NRG1: variants seen among roughly 807,000 people sequenced by gnomAD.
The protein encoded by NRG1 is neuregulin 1.
Under a neutral mutation model 63.8 loss-of-function variants are expected in NRG1, and 18 were observed. That is an observed-to-expected ratio of 0.28 (90% CI 0.19 to 0.42). NRG1 has a LOEUF of 0.42. Among genes scored for constraint, NRG1 ranks in the 10% least tolerant of loss-of-function variants. The pLI is 1.00. For missense variants in NRG1, 762 were observed against 814.7 expected, an observed-to-expected ratio of 0.94 and a Z score of 0.79; for synonymous variants, 302 against 301.3, an observed-to-expected ratio of 1.00 and a Z score of -0.02.
At chr8:32,650,965 G>GATAAA (rs1225669547) in intron 5 of NRG1, among the ~76,000 whole-genome samples, 2 of 152,090 alleles carry the variant, frequency 1.3e-5, no homozygotes, top group East Asian at 3.9e-4. Context: ...TCTTTATCCT[G>GATAAA]GAGCCTGAGA....
intron 1 of NRG1, among the ~76,000 whole-genome samples, chr8:32,228,725 A>G (rs1846592986): frequency 1.3e-5 from 2 of 152,078 alleles, no homozygotes; most frequent in African/African-American, 4.8e-5. Context: ...AGTAAATTTA[A>G]TTAGATCCAT....
intron 1 of NRG1, among the ~76,000 whole-genome samples, chr8:32,370,575 G>A (rs1005274989): frequency 3.3e-5 from 5 of 151,836 alleles, no homozygotes; most frequent in South Asian, 2.1e-4. Context: ...GCTGTCTTAC[G>A]AGCCAGGCGC....
chr8:32,602,302 G>A (rs565524669), intron 2 of NRG1, among the ~76,000 whole-genome samples: 33 of 152,056 alleles, frequency 2.2e-4, no homozygotes, highest in Non-Finnish European at 4.0e-4. Flanking sequence ...GCATTACTAG[G>A]AATAGTATTC....
chr8:32,063,359 T>A (rs1367276813), intron 1 of NRG1: 2 of 152,140 alleles, frequency 1.3e-5, no homozygotes, highest in African/African-American at 4.8e-5. Context: ...CTTTCAGTGA[T>A]CAAATTATTT....
At chr8:32,280,686 T>G (rs1207725555) in intron 1 of NRG1, among the ~76,000 whole-genome samples, 1 of 105,392 alleles carries the variant, frequency 9.5e-6, no homozygotes, top group African/African-American at 4.3e-5. Context: ...TTAGGTTTTT[T>G]TTTTGTTTTT....
intron 1 of NRG1, among the ~76,000 whole-genome samples, chr8:31,949,403 C>A (rs1211086190): frequency 6.6e-6 from 1 of 152,144 alleles, no homozygotes; most frequent in Admixed American, 6.5e-5. Context: ...GTTTCTCAAC[C>A]CATTCAGTTA....
chr8:31,925,738 T>C (rs1834309535), intron 1 of NRG1, among the ~76,000 whole-genome samples: 1 of 151,954 alleles, frequency 6.6e-6, no homozygotes, highest in African/African-American at 2.4e-5. Context: ...AATTCTGCTA[T>C]GAAGCCCGTC....
chr8:32,016,566 G>A (rs1384153219), intron 1 of NRG1, among the ~76,000 whole-genome samples: 1 of 152,162 alleles, frequency 6.6e-6, no homozygotes, highest in East Asian at 1.9e-4. Flanking sequence ...AACATAGCAG[G>A]CATATGTTAC....
chr8:32,429,888 A>C (rs925248529), intron 1 of NRG1, among the ~76,000 whole-genome samples: 1 of 152,196 alleles, frequency 6.6e-6, no homozygotes, highest in Non-Finnish European at 1.5e-5. Context: ...TAAATTAATT[A>C]AAATAATTTA....
intron 1 of NRG1, among the ~76,000 whole-genome samples, chr8:32,467,424 T>C (rs1823209625): frequency 1.3e-5 from 2 of 152,184 alleles, no homozygotes; most frequent in African/African-American, 2.4e-5. Flanking sequence ...AGCCTTTTTA[T>C]CGTAGGCTTG....
chr8:32,639,326 A>C (rs914286168), intron 5 of NRG1, among the ~76,000 whole-genome samples: 5 of 152,202 alleles, frequency 3.3e-5, no homozygotes, highest in Admixed American at 3.3e-4. Context: ...GAATCACTGG[A>C]ACCTGGGAGG....
intron 1 of NRG1, among the ~76,000 whole-genome samples, chr8:32,259,410 C>CT: frequency 6.6e-6 from 1 of 152,250 alleles, no homozygotes; most frequent in East Asian, 1.9e-4. Context: ...ATTTCACCCC[C>CT]GTCCACTCCA....
At chr8:31,723,514 C>T (rs1364532028) in intron 1 of NRG1, among the ~76,000 whole-genome samples, 1 of 152,010 alleles carries the variant, frequency 6.6e-6, no homozygotes, top group Non-Finnish European at 1.5e-5. Flanking sequence ...ATTGGCTATT[C>T]ACAGGCATGA....
intron 1 of NRG1, among the ~76,000 whole-genome samples, chr8:31,799,228 C>G (rs1215117621): frequency 1.3e-5 from 2 of 152,050 alleles, no homozygotes; most frequent in Admixed American, 6.5e-5. Flanking sequence ...TATCTCTAAA[C>G]TTTTGATAGA....
intron 5 of NRG1, among the ~76,000 whole-genome samples, chr8:32,636,490 T>C (rs1851362374): frequency 6.6e-6 from 1 of 152,216 alleles, no homozygotes; most frequent in Non-Finnish European, 1.5e-5. Context: ...CACTGACCAG[T>C]TGACCACTGG....
intron 1 of NRG1, among the ~76,000 whole-genome samples, chr8:32,348,393 A>G (rs1271680203): frequency 2.0e-5 from 3 of 152,224 alleles, no homozygotes; most frequent in Non-Finnish European, 4.4e-5. Flanking sequence ...TCATAAACAA[A>G]TGTAAGAGTC....
chr8:31,943,530 T>TAAAA (rs1802084384), intron 1 of NRG1, among the ~76,000 whole-genome samples: 1 of 53,882 alleles, frequency 1.9e-5, no homozygotes, highest in Non-Finnish European at 3.7e-5. Flanking sequence ...AAAAACCTAT[T>TAAAA]GAAATAAATA....
intron 5 of NRG1, among the ~76,000 whole-genome samples, chr8:32,668,736 A>C (rs1402917601): frequency 1.3e-5 from 2 of 152,198 alleles, no homozygotes; most frequent in Non-Finnish European, 2.9e-5. Context: ...TGTTTTCAGC[A>C]AATAGGAGTT....
intron 1 of NRG1, among the ~76,000 whole-genome samples, chr8:31,902,705 A>C (rs184318027): frequency 1.3e-5 from 2 of 152,274 alleles, no homozygotes; most frequent in East Asian, 3.9e-4. Context: ...CCAGAAATAC[A>C]TGCTTCTTGG....
Sources: gnomAD v4.1 joint callset for allele counts (sites outside exome capture counted in the v4.1 genomes callset) on GRCh38, gnomAD v4.1.1 for gene constraint, MANE v1.5 for transcripts, NCBI Gene and HGNC (gene_info 2026-07-23, HGNC 2026-07-21) for gene names.